DOCK2: variants seen among roughly 807,000 people sequenced by gnomAD.
DOCK2 encodes dedicator of cytokinesis protein 2.
DOCK2 carries 87 observed loss-of-function variants against 248.9 expected under a neutral mutation model. That is an observed-to-expected ratio of 0.35 (90% CI 0.29 to 0.42). The LOEUF is 0.42. Among genes scored for constraint, DOCK2 ranks in the 10% least tolerant of loss-of-function variants. The pLI is 1.00. For missense variants in DOCK2, 1,747 were observed against 2,300.2 expected (o/e 0.76, Z 4.92); for synonymous variants, 805 against 821.6 (o/e 0.98, Z 0.35).
chr5:169,671,316 A>C, intron 5 of DOCK2, 142 bp downstream of exon 5: 1 of 653,468 alleles, frequency 1.5e-6, no homozygotes, highest in Non-Finnish European at 2.6e-6. Context: ...GTGTGAGGAC[A>C]TCAAGGCCCA....
chr5:169,944,889 C>T (rs1485784320), intron 27 of DOCK2, among the ~76,000 whole-genome samples: 1 of 152,202 alleles, frequency 6.6e-6, no homozygotes, highest in East Asian at 1.9e-4. Context: ...ATTTTCCAGA[C>T]ATCTTGTTTC....
At chr5:169,816,291 G>A (rs1030410219) in intron 26 of DOCK2, among the ~76,000 whole-genome samples, 1 of 152,228 alleles carries the variant, frequency 6.6e-6, no homozygotes, top group Non-Finnish European at 1.5e-5. Context: ...GCCAAAGACT[G>A]CAGCAAGGAA....
chr5:170,058,763 T>C (rs111804652), intron 44 of DOCK2, among the ~76,000 whole-genome samples: 26 of 152,312 alleles, frequency 1.7e-4, no homozygotes, highest in African/African-American at 6.0e-4. Flanking sequence ...AGGGACGTGG[T>C]CTGACTTGCG....
chr5:170,050,385 G>T lies in DOCK2; in HGVS notation c.4201G>T (p.Ala1401Ser), dbSNP rs143100569. 3.6e-4 allele frequency: 588 copies of T among 1,614,002 alleles called. 3 individuals are homozygous for T. In the African/African-American group the frequency reaches 4.7e-3, roughly 13 times the overall value. ...TSAPGDDVKN[A>S]PGQYIQCFTV... The stretch of plus-strand genomic sequence containing the variant: ...TGCCCCGGGAGATGATGTGAAGAAT[G>T]CCCCAGGCCAGTGTATCCTTGGAGA... The change falls in exon 41 of 52, where the codon GCC becomes TCC. Residue 1401 changes from alanine (A) to serine (S), a missense_variant. Around this residue, in one of 4 missense-constraint regions of DOCK2, gnomAD observed 513 missense variants for 586.1 expected, o/e 0.88. Transcript: ENST00000520908.
chr5:169,773,335 A>G (rs1765201922), intron 25 of DOCK2, among the ~76,000 whole-genome samples: 1 of 152,196 alleles, frequency 6.6e-6, no homozygotes, highest in Non-Finnish European at 1.5e-5. Flanking sequence ...TAAACTTCCA[A>G]AAATACTTAG....
chr5:169,720,991 G>C lies in DOCK2; in HGVS notation c.2267+2200G>C, dbSNP rs1257225146. Among the ~76,000 whole-genome samples the C allele has an allele frequency of 2.0e-5, 3 of 152,172 alleles. No homozygotes were observed. In the East Asian group the frequency reaches 5.8e-4, roughly 29 times the overall value. Reference sequence around the variant, plus strand: ...CCCACCTCGGCCTCCCAAAGTGCTGGGATTACAGGCGTGAGCCACTGCGCC... The same window carrying C: ...CCCACCTCGGCCTCCCAAAGTGCTGCGATTACAGGCGTGAGCCACTGCGCC... On this transcript the variant is annotated intron_variant, in intron 22 of 51. Transcript: ENST00000520908.
intron 29 of DOCK2, among the ~76,000 whole-genome samples, chr5:169,986,260 T>C (rs1010491004): frequency 6.6e-6 from 1 of 152,206 alleles, no homozygotes; most frequent in Non-Finnish European, 1.5e-5. Context: ...TTCTGTGACA[T>C]GGTAAAATAA....
At chr5:169,941,402 G>A (rs931786252) in intron 27 of DOCK2, among the ~76,000 whole-genome samples, 1 of 151,998 alleles carries the variant, frequency 6.6e-6, no homozygotes, top group African/African-American at 2.4e-5. Context: ...AGACTGAGTT[G>A]GTCAGGCTGG....
rs748565547 is a variant in DOCK2, at chr5:170,081,871, G to T, written c.5317G>T (p.Gly1773Trp). 122 of 1,612,828 alleles carry T rather than the reference G, an allele frequency of 7.6e-5. No homozygotes were observed. The highest frequency in any genetic ancestry group is 9.9e-5 in the Non-Finnish European group (117 of 1,179,868). ...GGCGCTCTCAGTGGCAGGCATCCCT[G>T]GGTTGGATGAGGCCAACACATCTCC... is the stretch of plus-strand genomic sequence containing the variant. ...ALALSVAGIP[G>W]LDEANTSPRL... The change falls in exon 51 of 52, where the codon GGG (glycine) becomes TGG (tryptophan). Residue 1773 changes from glycine (G) to tryptophan (W), a missense_variant. Coordinates refer to ENST00000520908, the MANE Select transcript of DOCK2 (RefSeq NM_004946.3).
At chr5:169,760,022 G>T (rs948174188) in intron 24 of DOCK2, among the ~76,000 whole-genome samples, 2 of 152,092 alleles carry the variant, frequency 1.3e-5, no homozygotes, top group Non-Finnish European at 2.9e-5. Flanking sequence ...AATCATATAG[G>T]TTAAAAAAAA....
intron 27 of DOCK2, among the ~76,000 whole-genome samples, chr5:169,953,572 C>T (rs1196742983): frequency 6.6e-6 from 1 of 152,064 alleles, no homozygotes; most frequent in African/African-American, 2.4e-5. Context: ...TTATTATTTG[C>T]ATTATTAATA....
chr5:169,702,234 C>T (rs1761010124), intron 13 of DOCK2, 69 bp from the exon 14 acceptor site: 2 of 1,573,660 alleles, frequency 1.3e-6, no homozygotes, highest in Non-Finnish European at 1.7e-6. Context: ...CCTCCATCCC[C>T]TCTAGTTAGT....
At chr5:169,946,455 G>A (rs1776453119) in intron 27 of DOCK2, among the ~76,000 whole-genome samples, 1 of 152,232 alleles carries the variant, frequency 6.6e-6, no homozygotes, top group African/African-American at 2.4e-5. Context: ...AAGGGCAGGA[G>A]TGTTTTGGAA....
At chr5:169,888,500 A>G (rs1379367277) in intron 27 of DOCK2, among the ~76,000 whole-genome samples, 1 of 152,212 alleles carries the variant, frequency 6.6e-6, no homozygotes, top group African/African-American at 2.4e-5. Context: ...AATGGTCCTC[A>G]TGGAATCAGT....
At chr5:169,896,192 G>A (rs960759665) in intron 27 of DOCK2, among the ~76,000 whole-genome samples, 1 of 152,100 alleles carries the variant, frequency 6.6e-6, no homozygotes, top group African/African-American at 2.4e-5. Flanking sequence ...GGGCGGGGAG[G>A]CAGTCAGCAG....
At chr5:170,028,771 G>A (rs531598924) in intron 34 of DOCK2, among the ~76,000 whole-genome samples, 48 of 149,736 alleles carry the variant, frequency 3.2e-4, no homozygotes, top group African/African-American at 1.1e-3. Context: ...ACACACACGC[G>A]TGCGCACACA....
intron 27 of DOCK2, among the ~76,000 whole-genome samples, chr5:169,888,211 G>A (rs746319930): frequency 1.3e-5 from 2 of 152,114 alleles, no homozygotes; most frequent in Non-Finnish European, 1.5e-5. Flanking sequence ...CAGACACATC[G>A]TGGGGAATAC....
intron 36 of DOCK2, among the ~76,000 whole-genome samples, chr5:170,040,038 C>G (rs1019572934): frequency 6.6e-6 from 1 of 152,248 alleles, no homozygotes; most frequent in Admixed American, 6.5e-5. Flanking sequence ...TAGGTAATAA[C>G]TGTCACTGCT....
At chr5:169,970,977 C>A (rs1174652609) in intron 27 of DOCK2, among the ~76,000 whole-genome samples, 1 of 151,932 alleles carries the variant, frequency 6.6e-6, no homozygotes, top group Non-Finnish European at 1.5e-5. Flanking sequence ...CTCTCCAAGA[C>A]AGGGGAGGGT....
Sources: gnomAD v4.1 joint callset for allele counts (sites outside exome capture counted in the v4.1 genomes callset) on GRCh38, gnomAD v4.1.1 for gene constraint, gnomAD v4.1.1 regional missense constraint, MANE v1.5 for transcripts, NCBI Gene and HGNC (gene_info 2026-07-23, HGNC 2026-07-21) for gene names.